The following WDR49 variants were observed in gnomAD, a reference collection of about 807,000 sequenced individuals.
WDR49 encodes cilia- and flagella-associated protein 337.
WDR49 carries 107 observed loss-of-function variants against 119.5 expected under a neutral mutation model. The observed-to-expected ratio is 0.90, with a 90% CI of 0.77 to 1.05. The LOEUF (loss-of-function observed/expected upper bound fraction) is 1.05. Ranked by LOEUF, WDR49 falls within the 50% of genes least tolerant of loss-of-function variation. The probability of loss-of-function intolerance (pLI) is 0.00; values close to 1 mark genes in which losing one functional copy is unlikely to be tolerated. For synonymous variants in WDR49, 425 were observed against 418.8 expected, an observed-to-expected ratio of 1.01 and a Z score of -0.18; for missense variants, 1,240 against 1,220.5, an observed-to-expected ratio of 1.02 and a Z score of -0.24.
chr3:167,508,279 G>T (rs1374224890), intron 16 of WDR49, among the ~76,000 whole-genome samples: 1 of 152,316 alleles, frequency 6.6e-6, no homozygotes, highest in Non-Finnish European at 1.5e-5. Context: ...CATGATGCTT[G>T]TTGGACAGGC....
At chr3:167,611,233 C>G (rs574082396) in intron 5 of WDR49, among the ~76,000 whole-genome samples, 1 of 152,220 alleles carries the variant, frequency 6.6e-6, no homozygotes, top group Non-Finnish European at 1.5e-5. Context: ...TATTAGTTTG[C>G]TTTGTGTTTG....
intron 2 of WDR49, among the ~76,000 whole-genome samples, chr3:167,645,385 AT>A (rs1473493003): frequency 6.6e-6 from 1 of 151,606 alleles, no homozygotes; most frequent in East Asian, 1.9e-4. Flanking sequence ...TAGTTTTCGT[AT>A]TTTTGTAGAG....
chr3:167,582,027 C>T (rs1303882157), intron 7 of WDR49, among the ~76,000 whole-genome samples: 2 of 138,372 alleles, frequency 1.4e-5, no homozygotes, highest in African/African-American at 6.2e-5. Flanking sequence ...TGTGGGCATG[C>T]TTCCGTGTGT....
At chr3:167,561,935 T>C (rs146060646) in intron 8 of WDR49, among the ~76,000 whole-genome samples, 1 of 152,156 alleles carries the variant, frequency 6.6e-6, no homozygotes, top group African/African-American at 2.4e-5. Context: ...TTGGAGAATA[T>C]TCCAAGAATG....
intron 7 of WDR49, among the ~76,000 whole-genome samples, chr3:167,591,455 G>A (rs1490665165): frequency 6.6e-6 from 1 of 151,988 alleles, no homozygotes; most frequent in Admixed American, 6.6e-5. Flanking sequence ...ATGTTTCTTT[G>A]TTGATTTTCT....
At chr3:167,655,559 A>AT (rs1718573000), upstream of WDR49, among the ~76,000 whole-genome samples, 1 of 152,054 alleles carries the variant, frequency 6.6e-6, no homozygotes, top group Admixed American at 6.5e-5. Flanking sequence ...TCATGCTTTC[A>AT]TTTTTTCATC....
intron 18 of WDR49, among the ~76,000 whole-genome samples, chr3:167,482,307 A>C (rs960913769): frequency 3.3e-5 from 5 of 152,122 alleles, no homozygotes; most frequent in African/African-American, 1.2e-4. Flanking sequence ...CAAAAACTAT[A>C]AATGGTGTCA....
chr3:167,500,395 T>C (rs1751517060), intron 17 of WDR49, 96 bp from the exon 18 acceptor site: 1 of 1,467,874 alleles, frequency 6.8e-7, no homozygotes. Flanking sequence ...AGTTAACTTT[T>C]ATAAATTTAA....
chr3:167,537,972 C>T (rs1453708072), intron 10 of WDR49, among the ~76,000 whole-genome samples: 4 of 152,116 alleles, frequency 2.6e-5, no homozygotes, highest in Admixed American at 2.6e-4. Flanking sequence ...TTCTGCTTCT[C>T]TTCCTGCCTC....
intron 10 of WDR49, among the ~76,000 whole-genome samples, chr3:167,538,227 G>T: frequency 6.6e-6 from 1 of 151,974 alleles, no homozygotes; most frequent in Non-Finnish European, 1.5e-5. Context: ...CCAGTTGACA[G>T]TTCTGTATAA....
chr3:167,495,638 G>T lies in WDR49; in HGVS notation c.3031+4515C>A, dbSNP rs1279145475. The stretch of plus-strand genomic sequence containing the variant: ...GAGAATAAAACATAATTTGAAAAAA[G>T]ATAATGGCTGAGAAGTATTCAAAAT... On this transcript the variant is annotated intron_variant, in intron 18 of 18. Coordinates refer to ENST00000682715, the MANE Select transcript of WDR49 (RefSeq NM_001366157.1). Among the ~76,000 whole-genome samples, 3 of 151,434 alleles carry T rather than the reference G, an allele frequency of 2.0e-5. No homozygotes were observed. In the South Asian group the frequency reaches 6.2e-4, roughly 31 times the overall value.
At chr3:167,616,698 G>A (rs1207061832) in intron 5 of WDR49, among the ~76,000 whole-genome samples, 2 of 151,962 alleles carry the variant, frequency 1.3e-5, no homozygotes, top group African/African-American at 4.8e-5. Context: ...CAAGTTTAAT[G>A]AAAACTACAG....
Position 167,567,967 on chromosome 3 carries a change from G to C in WDR49, c.1510-7739C>G, listed in dbSNP as rs143332880. Among the ~76,000 whole-genome samples the C allele has an allele frequency of 3.9e-3, 598 of 152,318 alleles. 4 individuals are homozygous for C. The highest frequency in any genetic ancestry group is 0.013 in the South Asian group (61 of 4,824). On this transcript the variant is annotated intron_variant, in intron 8 of 18. Coordinates refer to ENST00000682715, the MANE Select transcript of WDR49 (RefSeq NM_001366157.1). ...TTGTCTTTTCCATTTCAGGCTCAGA[G>C]GTTAGCAGCTTTATAGACAAGTGCT...
At chr3:167,481,619 C>A (rs1056169054) in intron 18 of WDR49, among the ~76,000 whole-genome samples, 1 of 152,076 alleles carries the variant, frequency 6.6e-6, no homozygotes, top group Non-Finnish European at 1.5e-5. Context: ...AAGACACACC[C>A]GAAACTGGGG....
At chr3:167,605,117 C>T (rs935191883) in intron 5 of WDR49, among the ~76,000 whole-genome samples, 1 of 151,470 alleles carries the variant, frequency 6.6e-6, no homozygotes, top group Non-Finnish European at 1.5e-5. Context: ...CACACACACA[C>T]ACACACACAC....
upstream of WDR49, among the ~76,000 whole-genome samples, chr3:167,656,220 T>C (rs1718599000): frequency 6.6e-6 from 1 of 152,218 alleles, no homozygotes; most frequent in Non-Finnish European, 1.5e-5. Context: ...GTCCTTCTTG[T>C]AAGTTAGGAA....
chr3:167,652,884 T>C (rs1176091092), intron 2 of WDR49, among the ~76,000 whole-genome samples: 1 of 152,188 alleles, frequency 6.6e-6, no homozygotes, highest in Non-Finnish European at 1.5e-5. Flanking sequence ...TATGTCCGTA[T>C]TAAATGCAAG....
In WDR49 at chr3:167,627,069, T is replaced by G. The variant is rs1465301735; in HGVS notation, c.389A>C (p.Lys130Thr). ...TTTTACTGGGAGGAATTCAAGGTCC[T>G]TCCACTGGGGCACCACAGTTGCCTT... ...RAKATVVPQW[K>T]DLEFLPVKHK... Residue 130 changes from lysine to threonine, a missense_variant, in exon 3 of 19, where the codon AAG becomes ACG. Physicochemically the swap from Lys to Thr is moderately conservative, Grantham distance 78 (BLOSUM62 -1). Transcript: ENST00000682715. 3.1e-6 allele frequency: 4 copies of G among 1,300,024 alleles called. No individual in the cohort carries two copies. Among genetic ancestry groups the G allele is most frequent in the African/African-American group, 1.5e-5 (1 of 66,104 alleles). The allele number at this position is 1,300,024 out of a possible 1,614,324, so 80.5% of individuals were successfully genotyped here.
chr3:167,545,509 T>TATATATATATATATATATA (rs535132359), intron 10 of WDR49, among the ~76,000 whole-genome samples: 1,684 of 107,304 alleles, frequency 0.016, 61 homozygotes, highest in South Asian at 0.023. Context: ...ATATTATATA[T>TATATATATATATATATATA]TATATATATA....
Sources: allele counts gnomAD v4.1 joint callset (sites outside exome capture counted in the v4.1 genomes callset), GRCh38; gene constraint gnomAD v4.1.1; transcripts MANE v1.5; gene names NCBI Gene and HGNC (gene_info 2026-07-23, HGNC 2026-07-21).